The following CDKL3 variants were observed in gnomAD, a reference collection of about 807,000 sequenced individuals.
CDKL3 encodes cyclin-dependent kinase-like 3.
In CDKL3, 65 loss-of-function variants were observed where a neutral mutation model predicts 69.3. The ratio of observed to expected loss-of-function variants is 0.94; its 90% CI spans 0.77 to 1.15. CDKL3 has a LOEUF of 1.15. Among genes scored for constraint, CDKL3 ranks in the 50% most tolerant of loss-of-function variants. CDKL3 has a pLI of 0.00. For synonymous variants in CDKL3, 202 were observed against 221.6 expected (o/e 0.91, Z 0.79); for missense variants, 652 against 689.2 (o/e 0.95, Z 0.61).
upstream of CDKL3, among the ~76,000 whole-genome samples, chr5:134,370,791 T>C (rs1008732447): frequency 2.0e-5 from 3 of 152,188 alleles, no homozygotes; most frequent in Non-Finnish European, 4.4e-5. Flanking sequence ...TGCGATCCTC[T>C]CACTCTTCTT....
chr5:134,312,180 G>A (rs1288158414), intron 7 of CDKL3, 112 bp downstream of exon 7: 8 of 668,128 alleles, frequency 1.2e-5, no homozygotes, highest in Non-Finnish European at 2.1e-5. Context: ...ATAAATTTTT[G>A]TTAAACTGAA....
rs1769271667 is a variant in CDKL3 at position 134,310,879 on chromosome 5, C to G, written c.881+1413G>C. ...TAGTCACCCTCAAGGATTCTCTTCG[C>G]TTTTTTCTATTTAGTCTATCTCCAA... On this transcript the variant is annotated intron_variant, in intron 7 of 12. Coordinates refer to ENST00000265334, the MANE Select transcript of CDKL3 (RefSeq NM_001113575.2). Among the ~76,000 whole-genome samples, 3 of 152,228 alleles carry G rather than the reference C, an allele frequency of 2.0e-5. No homozygotes were observed. In the South Asian group the frequency reaches 6.2e-4, roughly 31 times the overall value.
chr5:134,296,086 A>G (rs563521689), downstream of CDKL3, among the ~76,000 whole-genome samples: 6 of 152,036 alleles, frequency 3.9e-5, no homozygotes, highest in East Asian at 9.7e-4. Flanking sequence ...TTTAGTAGAG[A>G]CGGGGTTTCA....
Position 134,319,389 on chromosome 5 carries a change from T to G in CDKL3, c.761A>C (p.Lys254Thr). Residue 254 changes from lysine to threonine, a missense_variant, in exon 6 of 13, where the codon AAG becomes ACG. Physicochemically the swap from Lys to Thr is moderately conservative, Grantham distance 78 (BLOSUM62 -1). Transcript: ENST00000265334. ...TATATCTGCCAACAATCCATTAAGC[T>G]TTGGATATTTTTTTCTTGCATTTTT... The part of the protein sequence containing the change: ...HPKNARKKYP[K>T]LNGLLADIVH... 1 of 1,534,656 alleles carries G rather than the reference T, an allele frequency of 6.5e-7. No homozygotes were observed. Among genetic ancestry groups the G allele is most frequent in the Non-Finnish European group, 8.8e-7 (1 of 1,142,326 alleles).
intron 3 of CDKL3, among the ~76,000 whole-genome samples, chr5:134,352,229 CT>C (rs1753475437): frequency 1.3e-5 from 2 of 152,060 alleles, no homozygotes; most frequent in African/African-American, 4.8e-5. Context: ...ATTTTTATGG[CT>C]GAATAGTGCT....
At chr5:134,353,523 T>C (rs1300863856) in intron 3 of CDKL3, among the ~76,000 whole-genome samples, 12 of 151,944 alleles carry the variant, frequency 7.9e-5, no homozygotes, top group Non-Finnish European at 4.4e-5. Flanking sequence ...GTCACAGTAC[T>C]ATTTTAAAAT....
intron 9 of CDKL3, chr5:134,307,860 C>G (rs1768298247): frequency 6.0e-6 from 2 of 333,698 alleles, no homozygotes; most frequent in South Asian, 1.7e-4. Context: ...AACTTTTTTT[C>G]TCTTCAAAAA....
At chr5:134,371,575 AC>A (rs1259944495), upstream of CDKL3, 1 of 1,608,616 alleles carries the variant, frequency 6.2e-7, no homozygotes, top group Non-Finnish European at 8.5e-7. Flanking sequence ...TTTCAGACTG[AC>A]CGCGGGGCAG....
At chr5:134,359,774 AG>A (rs1335002820) in intron 3 of CDKL3, 122 bp downstream of exon 3, 109 of 715,720 alleles carry the variant, frequency 1.5e-4, no homozygotes, top group Non-Finnish European at 2.2e-4. Flanking sequence ...CCCCATTTTC[AG>A]GATGTCTATT....
At chr5:134,328,529 G>A (rs1330407928) in intron 4 of CDKL3, among the ~76,000 whole-genome samples, 2 of 152,168 alleles carry the variant, frequency 1.3e-5, no homozygotes, top group African/African-American at 4.8e-5. Flanking sequence ...AAAAATAACA[G>A]AGCCTCAAGA....
At chr5:134,321,976 T>A in intron 4 of CDKL3, 73 bp from the exon 5 acceptor site, 1 of 813,744 alleles carries the variant, frequency 1.2e-6, no homozygotes, top group Non-Finnish European at 2.0e-6. Context: ...AAAATATGTT[T>A]AAAGAAGGCC....
downstream of CDKL3, among the ~76,000 whole-genome samples, chr5:134,284,654 T>G (rs1014604528): frequency 3.9e-5 from 6 of 152,200 alleles, no homozygotes; most frequent in African/African-American, 1.4e-4. Context: ...TATCTTCAAC[T>G]GCACAAGACA....
At chr5:134,354,426 T>G (rs369295817) in intron 3 of CDKL3, among the ~76,000 whole-genome samples, 1 of 152,294 alleles carries the variant, frequency 6.6e-6, no homozygotes, top group East Asian at 1.9e-4. Flanking sequence ...CTACCATAAA[T>G]CTTTGAGACT....
chr5:134,316,103 C>T (rs992617398), intron 6 of CDKL3, among the ~76,000 whole-genome samples: 54 of 152,080 alleles, frequency 3.6e-4, no homozygotes, highest in African/African-American at 1.2e-3. Context: ...TAGGCGCATG[C>T]CACTGTGCCT....
In CDKL3 at chr5:134,367,097, A is replaced by C. The variant is rs1757619693; in HGVS notation, c.-142T>G. The C allele has an allele frequency of 1.0e-6, 1 of 986,038 alleles. No homozygotes were observed. Among genetic ancestry groups the C allele is most frequent in the Non-Finnish European group, 1.2e-6 (1 of 830,478 alleles). 61.1% of individuals were successfully genotyped at this position (986,038 alleles called of 1,614,324 possible). A position where few individuals can be genotyped will look rare whatever the true frequency, so the allele number is the denominator to read the frequency against. ...TCCAGTGGAGCCACCGAACACTGAT[A>C]CTACTTTGTTGCTCAGCCCCGCAAG... On this transcript the variant is annotated 5_prime_UTR_variant, in exon 1 of 13. Transcript: ENST00000265334.
rs534059931 is a variant in CDKL3, at chr5:134,321,923, A to C, written c.540-20T>G. 37 of 1,341,194 alleles carry C rather than the reference A, an allele frequency of 2.8e-5. No homozygotes were observed. In the South Asian group the frequency reaches 4.2e-4, roughly 15 times the overall value. 83.1% of individuals were successfully genotyped at this position (1,341,194 alleles called of 1,614,324 possible). The stretch of plus-strand genomic sequence containing the variant: ...ACAGGTCTGAAACAGATCAGGGAAA[A>C]AAAAATCACTTTTTCATGTAGAAAT... On this transcript the variant is annotated intron_variant, in intron 4 of 12. Coordinates refer to ENST00000265334, the MANE Select transcript of CDKL3 (RefSeq NM_001113575.2).
chr5:134,320,404 C>G (rs562303541), intron 5 of CDKL3, among the ~76,000 whole-genome samples: 1 of 151,550 alleles, frequency 6.6e-6, no homozygotes, highest in East Asian at 2.0e-4. Context: ...ATGGCAAAAC[C>G]GCGGCTGCAC....
downstream of CDKL3, among the ~76,000 whole-genome samples, chr5:134,297,916 G>C (rs1765450349): frequency 6.8e-6 from 1 of 147,640 alleles, no homozygotes; most frequent in Non-Finnish European, 1.5e-5. Flanking sequence ...GTGTGTGTGT[G>C]TGTGTGTGTG....
Position 134,308,707 on chromosome 5 carries a change from G to C in CDKL3, c.902C>G (p.Ala301Gly). Reference protein sequence around the residue: ...FIEKFMPELKAKLLQEAKVNS... With the variant: ...FIEKFMPELKGKLLQEAKVNS... ...GACTTTTGCTTCCTGCAGTAATTTA[G>C]CTTTCAGTTCTGGCATGAATCTGAC... Residue 301 changes from alanine to glycine, a missense_variant, in exon 8 of 13, where the codon GCT (alanine) becomes GGT (glycine). Ala to Gly is a moderately conservative substitution (Grantham distance 60, BLOSUM62 0). Coordinates refer to ENST00000265334, the MANE Select transcript of CDKL3 (RefSeq NM_001113575.2). 6.3e-7 allele frequency: 1 copy of C among 1,597,148 alleles called. No individual in the cohort carries two copies. Among genetic ancestry groups the C allele is most frequent in the Non-Finnish European group, 8.5e-7 (1 of 1,175,764 alleles).
Sources: allele counts gnomAD v4.1 joint callset (sites outside exome capture counted in the v4.1 genomes callset), GRCh38; gene constraint gnomAD v4.1.1; transcripts MANE v1.5; gene names NCBI Gene and HGNC (gene_info 2026-07-23, HGNC 2026-07-21).